The following POU2F2 variants were observed in gnomAD, a reference collection of about 807,000 sequenced individuals.
POU2F2 encodes the protein POU domain, class 2, transcription factor 2.
POU2F2 carries 14 observed loss-of-function variants against 63.5 expected under a neutral mutation model. That is an observed-to-expected ratio of 0.22 (90% CI 0.15 to 0.34). The LOEUF is 0.34. Among genes scored for constraint, POU2F2 ranks in the 10% least tolerant of loss-of-function variants. The probability of loss-of-function intolerance (pLI) is 1.00; values close to 1 mark genes in which losing one functional copy is unlikely to be tolerated. For missense variants in POU2F2, 607 were observed against 815.2 expected (o/e 0.74, Z 3.11); for synonymous variants, 306 against 348.6 (o/e 0.88, Z 1.36).
At chr19:42,124,742 A>G (rs1406610541) in intron 1 of POU2F2, among the ~76,000 whole-genome samples, 2 of 152,256 alleles carry the variant, frequency 1.3e-5, no homozygotes. Flanking sequence ...ATGAAAAAGA[A>G]CAAACTCCTG....
At chr19:42,172,896 T>C (rs2034798585) in intron 1 of POU2F2, among the ~76,000 whole-genome samples, 1 of 151,904 alleles carries the variant, frequency 6.6e-6, no homozygotes. Flanking sequence ...TGAAAGGAAA[T>C]GGCGCTGGGA....
At position 42,128,838 on chromosome 19, in the gene POU2F2, C is replaced by CT. The variant is rs57927769; in HGVS notation, c.28+3545dup. On this transcript the variant is annotated intron_variant, in intron 1 of 14. Coordinates refer to ENST00000692977, the MANE Select transcript of POU2F2 (RefSeq NM_001394376.1). Reference sequence around the variant, plus strand: ...TTTAAAAGCCCCTCCAGGTGATTCTCTTTTTTTTTTTTTAGACAGAGTCTC... The same window carrying CT: ...TTTAAAAGCCCCTCCAGGTGATTCTCTTTTTTTTTTTTTTAGACAGAGTCTC... Among the ~76,000 whole-genome samples the CT allele has an allele frequency of 9.3e-3, 1,330 of 143,260 alleles. 15 individuals carry two copies. Among genetic ancestry groups the CT allele is most frequent in the African/African-American group, 0.029 (1,125 of 39,288 alleles). 94.0% of individuals were successfully genotyped at this position (143,260 alleles called of 152,430 possible).
At chr19:42,111,081 C>T (rs1025948503) in intron 5 of POU2F2, among the ~76,000 whole-genome samples, 2 of 152,154 alleles carry the variant, frequency 1.3e-5, no homozygotes, top group Non-Finnish European at 2.9e-5. Flanking sequence ...GTCCTTCCTT[C>T]CTTCCATCTG....
chr19:42,177,236 C>A (rs145081915), upstream of POU2F2: 3,175 of 155,208 alleles, frequency 0.02, 108 homozygotes, highest in African/African-American at 0.071. Context: ...GAGGAGCCGC[C>A]GCCGCCAACG....
intron 1 of POU2F2, among the ~76,000 whole-genome samples, chr19:42,123,755 C>T (rs2032915321): frequency 6.6e-6 from 1 of 152,152 alleles, no homozygotes; most frequent in Admixed American, 6.5e-5. Flanking sequence ...GAATCCAACC[C>T]TTCCTGGTCC....
At chr19:42,149,986 G>T (rs1351369584) in intron 2 of POU2F2, among the ~76,000 whole-genome samples, 1 of 152,224 alleles carries the variant, frequency 6.6e-6, no homozygotes, top group African/African-American at 2.4e-5. Context: ...GGGACTGAGA[G>T]CTGAAGTGCT....
At chr19:42,190,440 G>C (rs1186886052) in intron 1 of POU2F2, among the ~76,000 whole-genome samples, 1 of 151,918 alleles carries the variant, frequency 6.6e-6, no homozygotes, top group African/African-American at 2.4e-5. Flanking sequence ...GTGAGAGAGG[G>C]GGCTGGCTAA....
At position 42,096,222 on chromosome 19, in the gene POU2F2, G is replaced by C; in HGVS notation, c.589C>G (p.Pro197Ala). 6.3e-7 allele frequency: 1 copy of C among 1,597,142 alleles called. No homozygotes were observed. The highest frequency in any genetic ancestry group is 8.5e-7 in the Non-Finnish European group (1 of 1,171,478). ...PTQAVTRPTL[P>A]DPHLSHPQPP... ...TGCGGGTGCGAGAGGTGCGGGTCGG[G>C]CAGCGTAGGGCGGGTCACGGCCTGG... Residue 197 changes from proline to alanine, a missense_variant, in exon 8 of 15, where the codon CCC (proline) becomes GCC (alanine). Transcript: ENST00000692977. The surrounding 1 kb of genome is among the most constrained non-coding windows in gnomAD (Gnocchi z 4.1).
intron 1 of POU2F2, among the ~76,000 whole-genome samples, chr19:42,193,772 G>A (rs984703774): frequency 3.9e-5 from 6 of 152,138 alleles, no homozygotes; most frequent in Non-Finnish European, 8.8e-5. Flanking sequence ...TATCCCTATA[G>A]AAACATAAGC....
intron 1 of POU2F2, among the ~76,000 whole-genome samples, chr19:42,168,301 CT>C (rs2034692213): frequency 1.3e-5 from 2 of 152,210 alleles, no homozygotes; most frequent in Non-Finnish European, 2.9e-5. Context: ...CTCACATGCT[CT>C]GTCTAGTCCC....
In POU2F2 at chr19:42,171,431, C is replaced by CTTGT. The variant is rs1214603539; in HGVS notation, c.-70+4531_-70+4532insACAA. The stretch of plus-strand genomic sequence containing the variant: ...AGATGGAATGTCAGGGGCTGCGCTT[C>CTTGT]GTGTGTGTGTGTGTGTGTGTGTGTG... On this transcript the variant is annotated intron_variant, in intron 1 of 6. Coordinates refer to the POU2F2 transcript ENST00000524801. Among the ~76,000 whole-genome samples the CTTGT allele has an allele frequency of 9.7e-3, 1,342 of 138,628 alleles. 30 individuals are homozygous for CTTGT. The highest frequency in any genetic ancestry group is 0.032 in the African/African-American group (1,230 of 37,900). 90.9% of individuals were successfully genotyped at this position (138,628 alleles called of 152,430 possible). A position where few individuals can be genotyped will look rare whatever the true frequency, so the allele number is the denominator to read the frequency against.
intron 2 of POU2F2, among the ~76,000 whole-genome samples, chr19:42,139,648 C>T (rs916629548): frequency 1.3e-5 from 2 of 152,102 alleles, no homozygotes; most frequent in African/African-American, 2.4e-5. Flanking sequence ...CCATGTTGGC[C>T]AGGCTGATCT....
intron 1 of POU2F2, among the ~76,000 whole-genome samples, chr19:42,130,837 C>T (rs769666453): frequency 5.9e-5 from 9 of 151,426 alleles, no homozygotes; most frequent in African/African-American, 2.2e-4. Flanking sequence ...AGGGCTCCTA[C>T]GATCCCCTAA....
At chr19:42,144,006 C>G (rs2034181967) in intron 2 of POU2F2, among the ~76,000 whole-genome samples, 1 of 152,142 alleles carries the variant, frequency 6.6e-6, no homozygotes, top group African/African-American at 2.4e-5. Flanking sequence ...AATGTTTATG[C>G]CAGCACAGGG....
chr19:42,171,345 T>C (rs2034761639), intron 1 of POU2F2, among the ~76,000 whole-genome samples: 1 of 151,700 alleles, frequency 6.6e-6, no homozygotes, highest in African/African-American at 2.4e-5. Flanking sequence ...AATAAGGGGA[T>C]AGGAAGTCAG....
At chr19:42,094,354 G>A (rs2076842411) in intron 11 of POU2F2, among the ~76,000 whole-genome samples, 1 of 152,136 alleles carries the variant, frequency 6.6e-6, no homozygotes, top group Non-Finnish European at 1.5e-5. Context: ...GAGGCTAAAT[G>A]GATGCATATC....
chr19:42,121,828 C>T (rs1568388189), intron 4 of POU2F2, among the ~76,000 whole-genome samples: 1 of 152,170 alleles, frequency 6.6e-6, no homozygotes, highest in Non-Finnish European at 1.5e-5. Flanking sequence ...GGCGGTGGTG[C>T]AGGCCTCTGT....
intron 7 of POU2F2, among the ~76,000 whole-genome samples, chr19:42,098,906 C>T (rs966911084): frequency 1.3e-5 from 2 of 152,232 alleles, no homozygotes; most frequent in African/African-American, 4.8e-5. Context: ...GGCACCCTCT[C>T]TAAGGGGCCT....
At chr19:42,111,938 T>TG (rs1309094320) in intron 5 of POU2F2, among the ~76,000 whole-genome samples, 1 of 152,186 alleles carries the variant, frequency 6.6e-6, no homozygotes, top group Non-Finnish European at 1.5e-5. Context: ...CCCCAGTGGT[T>TG]GGCCCTGTGA....
Sources: gnomAD v4.1 joint callset for allele counts (sites outside exome capture counted in the v4.1 genomes callset) on GRCh38, gnomAD v4.1.1 for gene constraint, Gnocchi (gnomAD v3.1) non-coding constraint, MANE v1.5 for transcripts, NCBI Gene and HGNC (gene_info 2026-07-23, HGNC 2026-07-21) for gene names.